The following VPS13D variants were observed in gnomAD, a reference collection of about 807,000 sequenced individuals.
VPS13D encodes the protein vacuolar protein sorting 13 homolog D, also known as intermembrane lipid transfer protein VPS13D.
Under a neutral mutation model 461.9 loss-of-function variants are expected in VPS13D, and 187 were observed. The ratio of observed to expected loss-of-function variants is 0.40; its 90% CI spans 0.36 to 0.46. The LOEUF is 0.46. Ranked by LOEUF, VPS13D falls within the 20% of genes least tolerant of loss-of-function variation. The probability of loss-of-function intolerance (pLI) is 0.60; values close to 1 mark genes in which losing one functional copy is unlikely to be tolerated. For synonymous variants in VPS13D, 1,951 were observed against 1,986.3 expected (o/e 0.98, Z 0.47); for missense variants, 4,711 against 5,364.9 (o/e 0.88, Z 3.81).
In VPS13D at chr1:12,277,521, A is replaced by C; in HGVS notation, c.3933A>C (p.Glu1311Asp). 1.9e-6 allele frequency: 3 copies of C among 1,614,134 alleles called. No individual in the cohort carries two copies. Among genetic ancestry groups the C allele is most frequent in the Non-Finnish European group, 2.5e-6 (3 of 1,180,026 alleles). ...KELTLSMDEL[E>D]ENFRGMLKSA... The stretch of plus-strand genomic sequence containing the variant: ...TGACGTTATCCATGGATGAACTGGA[A>C]GAAAATTTTCGAGGTATGCTGAAAA... Residue 1311 changes from glutamate (E) to aspartate (D), a missense_variant, in exon 19 of 70, where the codon GAA (glutamate) becomes GAC (aspartate). Coordinates refer to ENST00000620676, the MANE Select transcript of VPS13D (RefSeq NM_015378.4).
At chr1:12,419,031 G>T (rs975469180) in intron 65 of VPS13D, among the ~76,000 whole-genome samples, 5 of 152,112 alleles carry the variant, frequency 3.3e-5, no homozygotes, top group African/African-American at 1.2e-4. Context: ...TTGTTTCCTG[G>T]TTTTTCTGTT....
chr1:12,306,140 C>G (rs552640693), intron 26 of VPS13D, among the ~76,000 whole-genome samples: 2 of 151,972 alleles, frequency 1.3e-5, no homozygotes, highest in Non-Finnish European at 2.9e-5. Flanking sequence ...CCCGCCACCA[C>G]GCCTGGCTAA....
rs1643285253 is a variant in VPS13D at position 12,329,860 on chromosome 1, C to T, written c.8229C>T (p.Ser2743=). The change falls in exon 37 of 70, where the codon AGC becomes AGT. Residue 2743 remains serine, a synonymous_variant. Coordinates refer to ENST00000620676, the MANE Select transcript of VPS13D (RefSeq NM_015378.4). ...ATTTTCTTCAGCGTGTAAGAACTAG[C>T]CCTGAAGGCTATGCCCACTTCACCC... ...RLNFLQRVRT[S]PEGYAHFTLS... 1 of 1,613,980 alleles carries T rather than the reference C, an allele frequency of 6.2e-7. No individual in the cohort carries two copies.
chr1:12,346,915 A>G (rs1393624706), intron 44 of VPS13D, among the ~76,000 whole-genome samples: 1 of 152,238 alleles, frequency 6.6e-6, no homozygotes, highest in African/African-American at 2.4e-5. Context: ...TCTCCTTTTC[A>G]TTCTAAGTTA....
intron 34 of VPS13D, among the ~76,000 whole-genome samples, chr1:12,323,416 T>G (rs975693989): frequency 1.3e-5 from 2 of 151,768 alleles, no homozygotes; most frequent in African/African-American, 4.8e-5. Context: ...CAGGGGAAAA[T>G]GTAGGGGCCA....
At chr1:12,424,623 C>T (rs1368506283) in intron 65 of VPS13D, among the ~76,000 whole-genome samples, 1 of 152,140 alleles carries the variant, frequency 6.6e-6, no homozygotes, top group Admixed American at 6.5e-5. Flanking sequence ...AGCTTTCCCC[C>T]TTTTCCACCC....
intron 67 of VPS13D, among the ~76,000 whole-genome samples, chr1:12,468,309 AG>A (rs1289048975): frequency 6.6e-6 from 1 of 152,246 alleles, no homozygotes; most frequent in African/African-American, 2.4e-5. Flanking sequence ...TCCTCTGTAA[AG>A]GCATTGGATT....
Position 12,433,139 on chromosome 1 carries a change from G to T in VPS13D, c.12333+16312G>T, listed in dbSNP as rs556212742. 1.1e-4 allele frequency among the ~76,000 whole-genome samples: 16 copies of T among 152,330 alleles called. No individual in the cohort carries two copies. The East Asian group carries it at 2.9e-3, about 28-fold the overall frequency. The stretch of plus-strand genomic sequence containing the variant: ...CACCCTCTTGTTCTGGAGGTGCTGA[G>T]AGCCGGCCTGGCTGGGGGCTGTAAC... On this transcript the variant is annotated intron_variant, in intron 65 of 69. Transcript: ENST00000620676.
chr1:12,279,739 G>A lies in VPS13D; in HGVS notation c.4602+89G>A. The A allele has an allele frequency of 8.6e-7, 1 of 1,164,528 alleles. No homozygotes were observed. Among genetic ancestry groups the A allele is most frequent in the Non-Finnish European group, 1.1e-6 (1 of 876,902 alleles). The allele number at this position is 1,164,528 out of a possible 1,614,324, so 72.1% of individuals were successfully genotyped here. A position where few individuals can be genotyped will look rare whatever the true frequency, so the allele number is the denominator to read the frequency against. The stretch of plus-strand genomic sequence containing the variant: ...TATTTATGTATATTACATGTTGGAA[G>A]GAATATATATTTTCAAAGATATATC... On this transcript the variant is annotated intron_variant, in intron 20 of 69. Coordinates refer to ENST00000620676, the MANE Select transcript of VPS13D (RefSeq NM_015378.4). The surrounding 1 kb of genome is among the most constrained non-coding windows in gnomAD (Gnocchi z 4.3).
intron 67 of VPS13D, among the ~76,000 whole-genome samples, chr1:12,480,145 A>G (rs748722651): frequency 2.6e-5 from 4 of 152,180 alleles, no homozygotes; most frequent in Non-Finnish European, 4.4e-5. Context: ...ATAATGAACT[A>G]CTGCAGCCTT....
chr1:12,482,428 G>A (rs189297776), intron 67 of VPS13D, among the ~76,000 whole-genome samples: 88 of 152,252 alleles, frequency 5.8e-4, no homozygotes, highest in African/African-American at 1.9e-3. Context: ...AGACATTTTG[G>A]CATTTGTGCC....
chr1:12,241,404 A>G (rs972413104), intron 2 of VPS13D, among the ~76,000 whole-genome samples: 7 of 152,266 alleles, frequency 4.6e-5, no homozygotes, highest in African/African-American at 1.2e-4. Flanking sequence ...TTGAAAATGT[A>G]TATCTCAGAC....
In VPS13D at chr1:12,363,172, T is replaced by A; in HGVS notation, c.10373T>A (p.Leu3458Gln). The A allele has an allele frequency of 6.2e-7, 1 of 1,614,244 alleles. No individual in the cohort carries two copies. Among genetic ancestry groups the A allele is most frequent in the Non-Finnish European group, 8.5e-7 (1 of 1,180,046 alleles). ...NDYDQLLCVR[L>Q]MDVPNCIWSG... Reference sequence around the variant, plus strand: ...TATGATCAGCTATTGTGTGTCAGACTGATGGACGTTCCCAATTGTATTTGG... The same window carrying A: ...TATGATCAGCTATTGTGTGTCAGACAGATGGACGTTCCCAATTGTATTTGG... Residue 3458 changes from leucine (L) to glutamine (Q), a missense_variant, in exon 52 of 70, where the codon CTG becomes CAG. Transcript: ENST00000620676.
At chr1:12,474,435 C>T (rs886653843) in intron 67 of VPS13D, among the ~76,000 whole-genome samples, 1 of 152,006 alleles carries the variant, frequency 6.6e-6, no homozygotes, top group Non-Finnish European at 1.5e-5. Context: ...GTCTGACTCC[C>T]ACCAGGACAA....
chr1:12,256,638 G>GCACTGGGTTTCAATTCA, intron 8 of VPS13D, 135 bp downstream of exon 8: 1 of 967,948 alleles, frequency 1.0e-6, no homozygotes, highest in Non-Finnish European at 1.5e-6. Flanking sequence ...AGTTGTGTTA[G>GCACTGGGTTTCAATTCA]GTATAAAACT....
chr1:12,331,626 G>A (rs928696781), intron 37 of VPS13D, among the ~76,000 whole-genome samples: 5 of 150,660 alleles, frequency 3.3e-5, no homozygotes, highest in African/African-American at 9.8e-5. Flanking sequence ...GCAGGAGAAC[G>A]GTGTGAACCC....
At chr1:12,285,980 TTCCTTTCCTTTCCTCTCCTCTCCTC>T (rs1641959606) in intron 21 of VPS13D, among the ~76,000 whole-genome samples, 1 of 108,526 alleles carries the variant, frequency 9.2e-6, no homozygotes, top group Non-Finnish European at 1.9e-5. Context: ...TTCCTTTCCT[TTCCTTTCCTTTCCTCTCCTCTCCTC>T]TCCTCTCCTC....
intron 32 of VPS13D, among the ~76,000 whole-genome samples, chr1:12,320,080 T>C (rs989669945): frequency 2.0e-5 from 3 of 152,230 alleles, no homozygotes; most frequent in African/African-American, 7.2e-5. Context: ...GCTAAGGATC[T>C]TATATGTTAT....
intron 55 of VPS13D, 114 bp from the exon 56 acceptor site, chr1:12,378,314 A>G: frequency 1.0e-6 from 1 of 981,534 alleles, no homozygotes. Context: ...AAAACGTCTA[A>G]ATAAACTTCC....
Sources: allele counts gnomAD v4.1 joint callset (sites outside exome capture counted in the v4.1 genomes callset), GRCh38; gene constraint gnomAD v4.1.1; non-coding constraint Gnocchi (gnomAD v3.1); transcripts MANE v1.5; gene names NCBI Gene and HGNC (gene_info 2026-07-23, HGNC 2026-07-21).